The following TNIP3 variants were observed in gnomAD, a reference collection of about 807,000 sequenced individuals.
TNIP3 encodes the protein TNFAIP3 interacting protein 3, also known as TNFAIP3-interacting protein 3.
Under a neutral mutation model 54.1 loss-of-function variants are expected in TNIP3, and 34 were observed. The observed-to-expected ratio is 0.63, with a 90% CI of 0.48 to 0.84. The LOEUF (loss-of-function observed/expected upper bound fraction) is 0.84, where lower values mean the gene tolerates loss of function less well. TNIP3 is among the 40% of genes least tolerant of loss of function. The pLI is 0.00. For synonymous variants in TNIP3, 134 were observed against 136.8 expected (o/e 0.98, Z 0.14); for missense variants, 366 against 387.6 (o/e 0.94, Z 0.47).
chr4:121,133,797 G>T (rs1728619088), intron 10 of TNIP3, among the ~76,000 whole-genome samples: 1 of 152,144 alleles, frequency 6.6e-6, no homozygotes, highest in Non-Finnish European at 1.5e-5. Flanking sequence ...TGGTGTGTGT[G>T]TAAGAACAGG....
intron 2 of TNIP3, among the ~76,000 whole-genome samples, chr4:121,197,546 A>C (rs1278976944): frequency 1.3e-5 from 2 of 151,850 alleles, no homozygotes; most frequent in Non-Finnish European, 2.9e-5. Flanking sequence ...AAAAAAAAAA[A>C]AAAGAACACC....
At chr4:121,168,877 T>C (rs535625372), upstream of TNIP3, among the ~76,000 whole-genome samples, 3 of 152,324 alleles carry the variant, frequency 2.0e-5, no homozygotes, top group Admixed American at 6.5e-5. Flanking sequence ...TGTCCAGCAG[T>C]GACTGATCTC....
chr4:121,214,652 G>A (rs1350701430), intron 2 of TNIP3, among the ~76,000 whole-genome samples: 1 of 152,040 alleles, frequency 6.6e-6, no homozygotes, highest in Non-Finnish European at 1.5e-5. Flanking sequence ...CCAAGCATAT[G>A]CTTCTGCTAC....
intron 3 of TNIP3, 137 bp downstream of exon 3, chr4:121,158,550 A>G: frequency 1.4e-6 from 1 of 723,068 alleles, no homozygotes; most frequent in Non-Finnish European, 2.4e-6. Context: ...TACTACACTT[A>G]GCACCCTTCC....
chr4:121,186,300 C>T (rs1252707288), intron 2 of TNIP3, among the ~76,000 whole-genome samples: 2 of 152,132 alleles, frequency 1.3e-5, no homozygotes, highest in Non-Finnish European at 2.9e-5. Context: ...ACGTTTTGAG[C>T]ACTCAGGAAT....
chr4:121,140,343 G>T (rs1416408304), intron 9 of TNIP3, among the ~76,000 whole-genome samples: 1 of 151,322 alleles, frequency 6.6e-6, no homozygotes, highest in South Asian at 2.1e-4. Flanking sequence ...CAAAAAAAAA[G>T]AAAAAAGAAA....
At chr4:121,182,554 C>T (rs1560676105) in intron 3 of TNIP3, 2 of 1,158,282 alleles carry the variant, frequency 1.7e-6, no homozygotes, top group Non-Finnish European at 2.4e-6. Context: ...TTTATCCTCT[C>T]AGCTGACAAG....
At chr4:121,183,070 A>G (rs1724807901) in intron 2 of TNIP3, among the ~76,000 whole-genome samples, 1 of 152,216 alleles carries the variant, frequency 6.6e-6, no homozygotes, top group African/African-American at 2.4e-5. Flanking sequence ...TCGAACACTC[A>G]CGGTGAGCCA....
upstream of TNIP3, among the ~76,000 whole-genome samples, chr4:121,168,314 C>T (rs1321367804): frequency 6.6e-6 from 1 of 151,930 alleles, no homozygotes; most frequent in Non-Finnish European, 1.5e-5. Flanking sequence ...TCAAGCAATT[C>T]TCCTGCCTCA....
chr4:121,167,700 A>T (rs1407308212), upstream of TNIP3, among the ~76,000 whole-genome samples: 2 of 152,218 alleles, frequency 1.3e-5, no homozygotes, highest in Non-Finnish European at 2.9e-5. Context: ...AATTGGTTTT[A>T]GTTCATCATG....
chr4:121,135,647 C>T (rs114052844), intron 10 of TNIP3, among the ~76,000 whole-genome samples: 3,443 of 152,286 alleles, frequency 0.023, 155 homozygotes, highest in African/African-American at 0.078. Context: ...AATCTGCCCA[C>T]GTTGGCCTCA....
At chr4:121,206,456 A>G (rs1288956644) in intron 2 of TNIP3, among the ~76,000 whole-genome samples, 2 of 152,318 alleles carry the variant, frequency 1.3e-5, no homozygotes, top group Middle Eastern at 3.4e-3. Context: ...TTATGCTCAC[A>G]TGAATTTTAT....
intron 1 of TNIP3, among the ~76,000 whole-genome samples, chr4:121,163,240 T>G (rs1730565199): frequency 1.3e-5 from 2 of 152,194 alleles, no homozygotes; most frequent in Admixed American, 1.3e-4. Flanking sequence ...CTCTGGAGAT[T>G]AATCAACATT....
intron 5 of TNIP3, among the ~76,000 whole-genome samples, chr4:121,151,359 C>T (rs1403479630): frequency 6.6e-6 from 1 of 152,022 alleles, no homozygotes; most frequent in African/African-American, 2.4e-5. Flanking sequence ...AAAAGAAAAG[C>T]AAATGTGTGG....
intron 8 of TNIP3, 47 bp from the exon 9 acceptor site, chr4:121,141,961 G>A (rs780355271): frequency 4.5e-6 from 6 of 1,343,602 alleles, no homozygotes; most frequent in Non-Finnish European, 6.1e-6. Flanking sequence ...GAGAGACTGA[G>A]GAGTTGCAGT....
At chr4:121,139,997 T>C (rs1002704734) in intron 9 of TNIP3, among the ~76,000 whole-genome samples, 3 of 152,260 alleles carry the variant, frequency 2.0e-5, no homozygotes, top group African/African-American at 7.2e-5. Context: ...TTGTAAACTC[T>C]ACTGTTATGC....
chr4:121,141,952 A>G (rs781180008), intron 8 of TNIP3, 38 bp from the exon 9 acceptor site: 1 of 1,443,476 alleles, frequency 6.9e-7, no homozygotes, highest in Non-Finnish European at 9.4e-7. Flanking sequence ...TACCAGTGGG[A>G]GAGACTGAGG....
At chr4:121,188,088 A>G (rs997302359) in intron 2 of TNIP3, among the ~76,000 whole-genome samples, 4 of 152,178 alleles carry the variant, frequency 2.6e-5, no homozygotes, top group African/African-American at 9.7e-5. Flanking sequence ...TTAGGCAAAG[A>G]GTTTGAGGTG....
At chr4:121,212,296 C>T (rs910954691) in intron 2 of TNIP3, among the ~76,000 whole-genome samples, 1 of 152,146 alleles carries the variant, frequency 6.6e-6, no homozygotes, top group Non-Finnish European at 1.5e-5. Context: ...GAGCCTGGTT[C>T]AAAGCACAAG....
Sources: gnomAD v4.1 joint callset for allele counts (sites outside exome capture counted in the v4.1 genomes callset) on GRCh38, gnomAD v4.1.1 for gene constraint, MANE v1.5 for transcripts, NCBI Gene and HGNC (gene_info 2026-07-23, HGNC 2026-07-21) for gene names.